OR51E1: variants seen among roughly 807,000 people sequenced by gnomAD.
OR51E1 encodes the protein olfactory receptor family 51 subfamily E member 1, also known as olfactory receptor 51E1.
Under a neutral mutation model 11.5 loss-of-function variants are expected in OR51E1, and 9 were observed. That is an observed-to-expected ratio of 0.78 (90% CI 0.47 to 1.37). The LOEUF is 1.37. Ranked by LOEUF, OR51E1 falls within the 40% of genes most tolerant of loss-of-function variation. The probability of loss-of-function intolerance (pLI) is 0.00; values close to 1 mark genes in which losing one functional copy is unlikely to be tolerated. For missense variants in OR51E1, 397 were observed against 410.2 expected (o/e 0.97, Z 0.28); for synonymous variants, 168 against 158.3 (o/e 1.06, Z -0.46).
Position 4,652,801 on chromosome 11 carries a change from C to A in OR51E1, c.275C>A (p.Ser92Tyr). ...ATGCTGGCCATCTTCTGGTTCAATTCCACTACCATCCAGTTTGATGCTTGT... is the reference window on the plus strand; with the variant it reads ...ATGCTGGCCATCTTCTGGTTCAATTACACTACCATCCAGTTTGATGCTTGT... ...PKMLAIFWFNSTTIQFDACLL... is the reference protein window; with the variant it reads ...PKMLAIFWFNYTTIQFDACLL... The change falls in exon 2 of 2, where the codon TCC becomes TAC. Residue 92 changes from serine (S) to tyrosine (Y), a missense_variant. Coordinates refer to ENST00000396952, the MANE Select transcript of OR51E1 (RefSeq NM_152430.4). The A allele has an allele frequency of 6.2e-7, 1 of 1,614,212 alleles. No individual in the cohort carries two copies. Among genetic ancestry groups the A allele is most frequent in the Non-Finnish European group, 8.5e-7 (1 of 1,180,034 alleles).
chr11:4,647,639 A>C (rs548360779), intron 1 of OR51E1, among the ~76,000 whole-genome samples: 4 of 152,196 alleles, frequency 2.6e-5, no homozygotes, highest in Admixed American at 2.6e-4. Context: ...GGGGGAAGGA[A>C]GGGAGAGGAC....
At chr11:4,648,241 A>AT (rs1407910175) in intron 1 of OR51E1, among the ~76,000 whole-genome samples, 1 of 152,218 alleles carries the variant, frequency 6.6e-6, no homozygotes, top group African/African-American at 2.4e-5. Flanking sequence ...GTATCTTTGT[A>AT]TCAGTGCCCA....
In OR51E1 at chr11:4,653,227, A is replaced by C; in HGVS notation, c.701A>C (p.Glu234Ala). The C allele has an allele frequency of 6.2e-7, 1 of 1,613,984 alleles. No individual in the cohort carries two copies. Among genetic ancestry groups the C allele is most frequent in the Non-Finnish European group, 8.5e-7 (1 of 1,179,928 alleles). Residue 234 changes from glutamate (E) to alanine (A), a missense_variant, in exon 2 of 2, where the codon GAA (glutamate) becomes GCA (alanine). Physicochemically the swap from Glu to Ala is moderately radical, Grantham distance 107. Coordinates refer to ENST00000396952, the MANE Select transcript of OR51E1 (RefSeq NM_152430.4). ...AAGACTGTGTTGGGCTTGACACGTG[A>C]AGCCCAGGCCAAGGCATTTGGCACT... ...ILKTVLGLTR[E>A]AQAKAFGTCV...
At chr11:4,648,248 C>A (rs1847052480) in intron 1 of OR51E1, among the ~76,000 whole-genome samples, 1 of 152,098 alleles carries the variant, frequency 6.6e-6, no homozygotes, top group African/African-American at 2.4e-5. Flanking sequence ...TGTATCAGTG[C>A]CCAGTCTTGC....
At chr11:4,644,188 T>C (rs1054925116) in intron 1 of OR51E1, among the ~76,000 whole-genome samples, 158 bp downstream of exon 1, 1 of 141,756 alleles carries the variant, frequency 7.1e-6, no homozygotes, top group African/African-American at 2.6e-5. Context: ...GCAGCCTTAG[T>C]GATCTCTAGG....
intron 1 of OR51E1, among the ~76,000 whole-genome samples, chr11:4,650,580 T>A (rs975768205): frequency 2.0e-5 from 3 of 152,202 alleles, no homozygotes; most frequent in African/African-American, 7.2e-5. Context: ...TGAGGAAACC[T>A]CTGGGTGACC....
chr11:4,650,541 A>AT (rs1847081722), intron 1 of OR51E1, among the ~76,000 whole-genome samples: 1 of 152,082 alleles, frequency 6.6e-6, no homozygotes, highest in Non-Finnish European at 1.5e-5. Flanking sequence ...TCATGCTCCC[A>AT]TTGTTTTCCC....
At position 4,652,567 on chromosome 11, in the gene OR51E1, A is replaced by G; in HGVS notation, c.41A>G (p.Tyr14Cys). The change falls in exon 2 of 2, where the codon TAC becomes TGC. Residue 14 changes from tyrosine (Y) to cysteine (C), a missense_variant. Transcript: ENST00000396952. ...AATGGCAATGAATCCAGTGCTACAT[A>G]CTTCATCCTAATAGGCCTCCCTGGT... ...DPNGNESSAT[Y>C]FILIGLPGLE... is the part of the protein sequence containing the mutation. The G allele has an allele frequency of 6.2e-7, 1 of 1,614,000 alleles. No homozygotes were observed. The highest frequency in any genetic ancestry group is 8.5e-7 in the Non-Finnish European group (1 of 1,179,946).
At position 4,653,718 on chromosome 11, in the gene OR51E1, T is replaced by C; in HGVS notation, c.*235T>C. On this transcript the variant is annotated 3_prime_UTR_variant, in exon 2 of 2. Coordinates refer to ENST00000396952, the MANE Select transcript of OR51E1 (RefSeq NM_152430.4). ...TAGGTTGTGGTTGGAGGGTTATTACTTTTCATTTTACCATGCAGTCCAAAT... is the reference window on the plus strand; with the variant it reads ...TAGGTTGTGGTTGGAGGGTTATTACCTTTCATTTTACCATGCAGTCCAAAT... 1 of 437,820 alleles carries C rather than the reference T, an allele frequency of 2.3e-6. No individual in the cohort carries two copies. The highest frequency in any genetic ancestry group is 2.0e-5 in the African/African-American group (1 of 49,356). The allele number at this position is 437,820 out of a possible 1,614,324, so 27.1% of individuals were successfully genotyped here.
At chr11:4,651,475 T>C (rs1228011960) in intron 1 of OR51E1, among the ~76,000 whole-genome samples, 4 of 152,206 alleles carry the variant, frequency 2.6e-5, no homozygotes, top group African/African-American at 4.8e-5. Flanking sequence ...AAAGTGTTTG[T>C]TGCACCCAGA....
At position 4,653,456 on chromosome 11, in the gene OR51E1, T is replaced by C. The variant is rs780808900; in HGVS notation, c.930T>C (p.His310=). The change falls in exon 2 of 2, where the codon CAT becomes CAC. Residue 310 remains histidine, a synonymous_variant. Transcript: ENST00000396952. ...GACAGCGCATCCTTCGACTTTTCCA[T>C]GTGGCCACACACGCTTCAGAGCCCT... ...EIRQRILRLF[H]VATHASEP 1.9e-6 allele frequency: 3 copies of C among 1,612,724 alleles called. No individual in the cohort carries two copies. Among genetic ancestry groups the C allele is most frequent in the South Asian group, 2.2e-5 (2 of 91,016 alleles).
chr11:4,645,416 T>C (rs1847016547), intron 1 of OR51E1, among the ~76,000 whole-genome samples: 1 of 152,208 alleles, frequency 6.6e-6, no homozygotes, highest in Non-Finnish European at 1.5e-5. Context: ...TGCTGAGCTA[T>C]TGTTGTCTTT....
chr11:4,653,028 C>A lies in OR51E1; in HGVS notation c.502C>A (p.Gln168Lys), dbSNP rs756839964. The part of the protein sequence containing the change: ...LMAPLPVFIK[Q>K]LPFCRSNILS... ...GGCACCCCTTCCTGTCTTCATCAAG[C>A]AGCTGCCCTTCTGCCGCTCCAATAT... Residue 168 changes from glutamine to lysine, a missense_variant, in exon 2 of 2, where the codon CAG (glutamine) becomes AAG (lysine). Coordinates refer to ENST00000396952, the MANE Select transcript of OR51E1 (RefSeq NM_152430.4). 4.3e-6 allele frequency: 7 copies of A among 1,609,952 alleles called. No homozygotes were observed. Among genetic ancestry groups the A allele is most frequent in the Non-Finnish European group, 5.9e-6 (7 of 1,177,518 alleles).
intron 1 of OR51E1, among the ~76,000 whole-genome samples, chr11:4,650,821 C>T (rs1319186635): frequency 6.6e-6 from 1 of 152,088 alleles, no homozygotes; most frequent in Non-Finnish European, 1.5e-5. Context: ...CTGAAATGCT[C>T]CAAAATCTGA....
chr11:4,652,274 A>G (rs1301140462), intron 1 of OR51E1, among the ~76,000 whole-genome samples: 2 of 152,206 alleles, frequency 1.3e-5, no homozygotes, highest in East Asian at 3.8e-4. Flanking sequence ...GTCAGGATTA[A>G]CAATACAGAT....
At chr11:4,652,427 A>G in intron 1 of OR51E1, 61 bp from the exon 2 acceptor site, 1 of 729,770 alleles carries the variant, frequency 1.4e-6, no homozygotes, top group South Asian at 1.7e-5. Flanking sequence ...ATCAGGATAG[A>G]GTCAGGTGTT....
chr11:4,654,779 G>A lies in OR51E1; in HGVS notation c.*1296G>A, dbSNP rs1004385770. The A allele has an allele frequency of 6.0e-6, 1 of 167,052 alleles. No homozygotes were observed. The highest frequency in any genetic ancestry group is 2.4e-5 in the African/African-American group (1 of 41,426). 10.3% of individuals were successfully genotyped at this position (167,052 alleles called of 1,614,324 possible). A position where few individuals can be genotyped will look rare whatever the true frequency, so the allele number is the denominator to read the frequency against. On this transcript the variant is annotated 3_prime_UTR_variant, in exon 2 of 2. Transcript: ENST00000396952. The stretch of plus-strand genomic sequence containing the variant: ...GGAATCAGGCATTTTTGCTTCTGAG[G>A]GGCTATTACCAAGGGTTAATAGGTT...
chr11:4,645,180 C>T (rs1448186015), intron 1 of OR51E1, among the ~76,000 whole-genome samples: 4 of 152,072 alleles, frequency 2.6e-5, no homozygotes, highest in African/African-American at 7.3e-5. Flanking sequence ...CATTATTGGC[C>T]TCGTGTTATA....
At chr11:4,650,889 T>G (rs1185643085) in intron 1 of OR51E1, among the ~76,000 whole-genome samples, 1 of 152,050 alleles carries the variant, frequency 6.6e-6, no homozygotes, top group Non-Finnish European at 1.5e-5. Flanking sequence ...CATTTCAAAT[T>G]TCAGATTTTT....
Sources: gnomAD v4.1 joint callset for allele counts (sites outside exome capture counted in the v4.1 genomes callset) on GRCh38, gnomAD v4.1.1 for gene constraint, MANE v1.5 for transcripts, NCBI Gene and HGNC (gene_info 2026-07-23, HGNC 2026-07-21) for gene names.